The following KLHL25 variants were observed in gnomAD, a reference collection of about 807,000 sequenced individuals.
KLHL25 encodes the protein kelch-like protein 25.
In KLHL25, 41 loss-of-function variants were observed where a neutral mutation model predicts 30.0. The observed-to-expected ratio is 1.37, with a 90% CI of 1.07 to 1.78. The LOEUF is 1.78. KLHL25 is among the 40% of genes most tolerant of loss of function. The pLI, the probability that KLHL25 is intolerant of heterozygous loss-of-function variation, is 0.00. For missense variants in KLHL25, 971 were observed against 824.5 expected, an observed-to-expected ratio of 1.18 and a Z score of -2.18; for synonymous variants, 399 against 355.3, an observed-to-expected ratio of 1.12 and a Z score of -1.38.
chr15:85,774,919 C>G (rs1172118641), intron 1 of KLHL25, among the ~76,000 whole-genome samples: 1 of 151,316 alleles, frequency 6.6e-6, no homozygotes, highest in East Asian at 1.9e-4. Flanking sequence ...CTCTGTCTCC[C>G]AGGCTGGAGT....
chr15:85,779,733 T>TGCAG (rs1246459862), intron 1 of KLHL25, among the ~76,000 whole-genome samples: 9 of 152,232 alleles, frequency 5.9e-5, no homozygotes, highest in African/African-American at 2.2e-4. Context: ...GCCTGCCAAG[T>TGCAG]GCAGGCACTG....
At position 85,759,464 on chromosome 15, in the gene KLHL25, T is replaced by TC. The variant is rs1474893495; in HGVS notation, c.*1571dup. The TC allele has an allele frequency of 3.2e-4, 49 of 152,592 alleles. No individual in the cohort carries two copies. Among genetic ancestry groups the TC allele is most frequent in the African/African-American group, 1.2e-3 (48 of 41,590 alleles). 9.5% of individuals were successfully genotyped at this position (152,592 alleles called of 1,614,324 possible). On this transcript the variant is annotated 3_prime_UTR_variant, in exon 3 of 3. Transcript: ENST00000337975. ...AGCAACCCCACGGGTCCAGGCACCC[T>TC]CCCTGCAGTCCCCGCGGCCAGGCTC...
chr15:85,780,206 C>A (rs988137306), intron 1 of KLHL25, among the ~76,000 whole-genome samples: 3 of 152,224 alleles, frequency 2.0e-5, no homozygotes, highest in African/African-American at 7.2e-5. Context: ...AGCTGCTGCA[C>A]CAGACGGGAG....
At chr15:85,769,958 C>A in intron 1 of KLHL25, 138 bp from the exon 2 acceptor site, 3 of 714,598 alleles carry the variant, frequency 4.2e-6, no homozygotes, top group East Asian at 5.4e-5. Context: ...GCCCCTCTCC[C>A]GCAACCACGT....
chr15:85,785,968 C>CA (rs1223824442), intron 1 of KLHL25, among the ~76,000 whole-genome samples: 1 of 135,286 alleles, frequency 7.4e-6, no homozygotes, highest in African/African-American at 2.6e-5. Context: ...CGACCCACCC[C>CA]CCCGCCCCAG....
intron 1 of KLHL25, among the ~76,000 whole-genome samples, chr15:85,781,737 G>A (rs960036724): frequency 6.6e-6 from 1 of 152,070 alleles, no homozygotes; most frequent in African/African-American, 2.4e-5. Flanking sequence ...ACCTGCCTCG[G>A]CCTCCCAAAG....
Position 85,769,225 on chromosome 15 carries a change from G to A in KLHL25, c.586C>T (p.Leu196Phe), listed in dbSNP as rs767936112. ...GTCTCCAGCTCATCACTCGAGATGA[G>A]GTCCAGCAGTGTGTCCTTGGACAGG... ...NSLSKDTLLD[L>F]ISSDELETED... Residue 196 changes from leucine (L) to phenylalanine (F), a missense_variant, in exon 2 of 3, where the codon CTC (leucine) becomes TTC (phenylalanine). Transcript: ENST00000337975. The A allele has an allele frequency of 1.2e-6, 2 of 1,613,804 alleles. No homozygotes were observed. Among genetic ancestry groups the A allele is most frequent in the Non-Finnish European group, 1.7e-6 (2 of 1,180,032 alleles).
At chr15:85,765,012 G>C (rs1166389100) in intron 2 of KLHL25, among the ~76,000 whole-genome samples, 1 of 152,216 alleles carries the variant, frequency 6.6e-6, no homozygotes, top group African/African-American at 2.4e-5. Flanking sequence ...ACCAGGTCCA[G>C]TTGACAGGGC....
chr15:85,769,792 C>A lies in KLHL25; in HGVS notation c.19G>T (p.Glu7Ter). 1 of 1,609,196 alleles carries A rather than the reference C, an allele frequency of 6.2e-7. No individual in the cohort carries two copies. The highest frequency in any genetic ancestry group is 1.7e-4 in the Middle Eastern group (1 of 6,054). Residue 7 changes from glutamate to a stop codon, truncating the protein, a stop_gained, in exon 2 of 3, where the codon GAG (glutamate) becomes TAG (stop). Coordinates refer to ENST00000337975, the MANE Select transcript of KLHL25 (RefSeq NM_022480.4). LOFTEE classifies it high-confidence loss of function. MSVSVH[E>*]TRKSRSSTGS... The stretch of plus-strand genomic sequence containing the variant: ...GTGCTGCTCCGCGACTTGCGGGTCT[C>A]ATGGACACTGACCGACATGGTGCGT...
At chr15:85,786,737 T>A (rs2089783819) in intron 1 of KLHL25, among the ~76,000 whole-genome samples, 1 of 152,216 alleles carries the variant, frequency 6.6e-6, no homozygotes, top group African/African-American at 2.4e-5. Flanking sequence ...AAGGGCAAAG[T>A]CACCCCAGCT....
intron 1 of KLHL25, among the ~76,000 whole-genome samples, chr15:85,776,659 C>CT (rs1415578812): frequency 5.9e-5 from 9 of 151,860 alleles, no homozygotes; most frequent in Admixed American, 2.6e-4. Flanking sequence ...GGCACGGTGG[C>CT]TCACGCCTGT....
At chr15:85,791,312 A>G (rs2089815283) in intron 1 of KLHL25, among the ~76,000 whole-genome samples, 1 of 151,950 alleles carries the variant, frequency 6.6e-6, no homozygotes, top group African/African-American at 2.4e-5. Context: ...CCTGGACAAC[A>G]TGGAGAAACC....
chr15:85,768,750 A>C lies in KLHL25; in HGVS notation c.1061T>G (p.Val354Gly), dbSNP rs771261657. ...VTGGRGSENG[V>G]SKDVWVYDTV... ...GTCGTACACCCAGACATCCTTGGAG[A>C]CCCCGTTCTCGGAGCCCCTGCCCCC... is the stretch of plus-strand genomic sequence containing the variant. The change falls in exon 2 of 3, where the codon GTC (valine) becomes GGC (glycine). Residue 354 changes from valine (V) to glycine (G), a missense_variant. Transcript: ENST00000337975. The C allele has an allele frequency of 1.2e-6, 2 of 1,612,794 alleles. No individual in the cohort carries two copies. The highest frequency in any genetic ancestry group is 1.7e-6 in the Non-Finnish European group (2 of 1,179,782).
rs2089645644 is a variant in KLHL25 at position 85,768,841 on chromosome 15, C to G, written c.970G>C (p.Ala324Pro). 6.2e-7 allele frequency: 1 copy of G among 1,613,362 alleles called. No homozygotes were observed. The highest frequency in any genetic ancestry group is 8.5e-7 in the Non-Finnish European group (1 of 1,180,050). Residue 324 changes from alanine (A) to proline (P), a missense_variant, in exon 2 of 3, where the codon GCC becomes CCC. By Grantham distance (27) the Ala-to-Pro change is conservative (BLOSUM62 -1). Coordinates refer to ENST00000337975, the MANE Select transcript of KLHL25 (RefSeq NM_022480.4). The part of the protein sequence containing the change: ...DHKAKEIIPK[A>P]DLPSPRKEFS... ...TCCTTCCGGGGGCTGGGCAGGTCGG[C>G]CTTGGGGATGATCTCCTTGGCCTTG...
At position 85,769,304 on chromosome 15, in the gene KLHL25, C is replaced by T. The variant is rs1567238889; in HGVS notation, c.507G>A (p.Trp169Ter). The T allele has an allele frequency of 1.2e-6, 2 of 1,614,098 alleles. No homozygotes were observed. The highest frequency in any genetic ancestry group is 1.7e-6 in the Non-Finnish European group (2 of 1,180,046). ...HQCRRLYEFS[W>*]RMCLVHFETV... ...TCTCAAAGTGCACCAGGCACATGCGCCAGGAGAACTCATACAGCCGGCGGC... is the reference window on the plus strand; with the variant it reads ...TCTCAAAGTGCACCAGGCACATGCGTCAGGAGAACTCATACAGCCGGCGGC... Residue 169 changes from tryptophan (W) to a stop codon, truncating the protein, a stop_gained, in exon 2 of 3, where the codon TGG becomes TGA. Transcript: ENST00000337975. LOFTEE classifies it high-confidence loss of function.
chr15:85,786,386 A>T (rs952333269), intron 1 of KLHL25, among the ~76,000 whole-genome samples: 51 of 152,320 alleles, frequency 3.3e-4, no homozygotes, highest in Non-Finnish European at 3.2e-4. Flanking sequence ...CCAGGTACCC[A>T]GCAGTAATGA....
chr15:85,775,805 G>A (rs1313780983), intron 1 of KLHL25, among the ~76,000 whole-genome samples: 2 of 150,884 alleles, frequency 1.3e-5, no homozygotes. Flanking sequence ...CAGAGGCTGT[G>A]GGGGCAGCAA....
intron 2 of KLHL25, 126 bp downstream of exon 2, chr15:85,767,891 G>C: frequency 3.1e-6 from 2 of 637,320 alleles, no homozygotes; most frequent in Non-Finnish European, 2.7e-6. Context: ...GAGCACACCA[G>C]CCACCTGCTG....
chr15:85,775,708 T>C (rs1236333885), intron 1 of KLHL25, among the ~76,000 whole-genome samples: 3 of 151,950 alleles, frequency 2.0e-5, no homozygotes, highest in Non-Finnish European at 4.4e-5. Context: ...GATGAACTCC[T>C]TGCTCTCCTG....
Sources: gnomAD v4.1 joint callset for allele counts (sites outside exome capture counted in the v4.1 genomes callset) on GRCh38, gnomAD v4.1.1 for gene constraint, MANE v1.5 for transcripts, NCBI Gene and HGNC (gene_info 2026-07-23, HGNC 2026-07-21) for gene names.